Variants in TBC1D22A observed in about 807,000 individuals in gnomAD.
The protein encoded by TBC1D22A is TBC1 domain family member 22A, also known as putative GTPase activator.
Under a neutral mutation model 60.2 loss-of-function variants are expected in TBC1D22A, and 38 were observed. The ratio of observed to expected loss-of-function variants is 0.63; its 90% CI spans 0.49 to 0.83. The LOEUF (loss-of-function observed/expected upper bound fraction) is 0.83, where lower values mean the gene tolerates loss of function less well. TBC1D22A is among the 40% of genes least tolerant of loss of function. TBC1D22A has a pLI of 0.00. For synonymous variants in TBC1D22A, 302 were observed against 281.7 expected (o/e 1.07, Z -0.72); for missense variants, 628 against 701.0 (o/e 0.90, Z 1.18).
intron 4 of TBC1D22A, among the ~76,000 whole-genome samples, chr22:46,827,837 A>T (rs1474374980): frequency 6.6e-6 from 1 of 152,144 alleles, no homozygotes; most frequent in Non-Finnish European, 1.5e-5. Context: ...CTTCATCTGG[A>T]GGTGCTTGTC....
intron 11 of TBC1D22A, among the ~76,000 whole-genome samples, chr22:47,097,938 G>A (rs1442997728): frequency 4.6e-5 from 7 of 152,090 alleles, no homozygotes; most frequent in Admixed American, 4.6e-4. Flanking sequence ...AAGTAGGAGG[G>A]GCTCTGAGTG....
chr22:47,141,940 T>G (rs879655658), intron 12 of TBC1D22A, among the ~76,000 whole-genome samples: 2 of 152,196 alleles, frequency 1.3e-5, no homozygotes, highest in Non-Finnish European at 2.9e-5. Flanking sequence ...GAAACGTATT[T>G]GGATTTTTAT....
chr22:46,792,756 C>T (rs1301127891), intron 2 of TBC1D22A, 180 bp downstream of exon 2: 15 of 1,482,676 alleles, frequency 1.0e-5, no homozygotes, highest in Non-Finnish European at 1.3e-5. Flanking sequence ...CCGTGCTGCG[C>T]ATCCCGGTGA....
chr22:47,001,208 T>G (rs772207064), intron 10 of TBC1D22A, among the ~76,000 whole-genome samples: 5 of 152,136 alleles, frequency 3.3e-5, no homozygotes, highest in Non-Finnish European at 5.9e-5. Flanking sequence ...ATGATGATTC[T>G]ATACTGGAGT....
intron 8 of TBC1D22A, among the ~76,000 whole-genome samples, chr22:46,938,077 G>A (rs76481865): frequency 1.1e-4 from 16 of 152,146 alleles, no homozygotes; most frequent in Admixed American, 4.6e-4. Context: ...CACAGTGCTC[G>A]TGAAGTCTCC....
intron 4 of TBC1D22A, among the ~76,000 whole-genome samples, chr22:46,844,504 G>C (rs1214219487): frequency 6.6e-6 from 1 of 152,300 alleles, no homozygotes; most frequent in Middle Eastern, 3.4e-3. Context: ...ATGTCTGTGT[G>C]GTTGAGTCGT....
intron 1 of TBC1D22A, among the ~76,000 whole-genome samples, chr22:46,791,973 CT>C (rs1284550846): frequency 6.6e-6 from 1 of 152,190 alleles, no homozygotes; most frequent in Non-Finnish European, 1.5e-5. Context: ...GTTTGCCAGG[CT>C]GGTCTCCAAC....
At chr22:47,119,966 C>T (rs1326518224) in intron 12 of TBC1D22A, among the ~76,000 whole-genome samples, 1 of 152,146 alleles carries the variant, frequency 6.6e-6, no homozygotes, top group Non-Finnish European at 1.5e-5. Context: ...CAGCCTCCTT[C>T]ACGGCACCCA....
At chr22:46,941,900 A>G (rs1190731759) in intron 8 of TBC1D22A, among the ~76,000 whole-genome samples, 2 of 143,370 alleles carry the variant, frequency 1.4e-5, no homozygotes, top group African/African-American at 2.6e-5. Context: ...ATATATGTAT[A>G]TAGAATATAT....
At chr22:46,876,280 T>A (rs1367773918) in intron 4 of TBC1D22A, among the ~76,000 whole-genome samples, 3 of 152,210 alleles carry the variant, frequency 2.0e-5, no homozygotes, top group African/African-American at 7.2e-5. Flanking sequence ...ACTTCATAAT[T>A]TAGATAAACT....
chr22:47,024,990 T>C (rs937250790), intron 10 of TBC1D22A, among the ~76,000 whole-genome samples: 12 of 152,198 alleles, frequency 7.9e-5, no homozygotes, highest in African/African-American at 2.9e-4. Flanking sequence ...AAACAGTAGA[T>C]TTCAGAATAG....
At chr22:47,008,151 A>AT (rs1199275865) in intron 10 of TBC1D22A, among the ~76,000 whole-genome samples, 4 of 152,164 alleles carry the variant, frequency 2.6e-5, no homozygotes, top group African/African-American at 9.7e-5. Context: ...GCAAATTTGG[A>AT]TTTTGTCCAT....
intron 3 of TBC1D22A, 88 bp downstream of exon 3, chr22:46,793,929 G>T: frequency 1.6e-6 from 2 of 1,270,152 alleles, no homozygotes; most frequent in Non-Finnish European, 2.1e-6. Flanking sequence ...AGAATCAGTG[G>T]GTTCCCATCC....
chr22:47,037,401 G>T (rs147303120), intron 11 of TBC1D22A, among the ~76,000 whole-genome samples: 1,714 of 152,280 alleles, frequency 0.011, 29 homozygotes, highest in African/African-American at 0.038. Flanking sequence ...AGGCCAAGGT[G>T]GGTGGATTGC....
intron 4 of TBC1D22A, among the ~76,000 whole-genome samples, chr22:46,818,901 T>G (rs2085711613): frequency 6.6e-6 from 1 of 152,168 alleles, no homozygotes; most frequent in South Asian, 2.1e-4. Context: ...TATATTCTGT[T>G]ACTTCCTTGA....
chr22:47,039,878 A>AGC (rs1279096104), intron 11 of TBC1D22A, among the ~76,000 whole-genome samples: 1 of 148,870 alleles, frequency 6.7e-6, no homozygotes, highest in East Asian at 2.0e-4. Context: ...GTGAAGAGGA[A>AGC]GCAGGCGTGT....
intron 9 of TBC1D22A, among the ~76,000 whole-genome samples, chr22:46,995,524 T>TGC (rs376463406): frequency 7.8e-4 from 118 of 152,160 alleles, no homozygotes; most frequent in African/African-American, 2.7e-3. Flanking sequence ...TGTGTGTGTG[T>TGC]GTGTGTGTGA....
chr22:47,012,427 G>T lies in TBC1D22A; in HGVS notation c.1201+14718G>T, dbSNP rs544990007. On this transcript the variant is annotated intron_variant, in intron 10 of 12. Transcript: ENST00000337137. ...TGCCAGGCTTTCCCTGAGGTCCCCA[G>T]GCACCAGGGGATTATTGTCAGGCCC... Among the ~76,000 whole-genome samples the T allele has an allele frequency of 2.0e-5, 3 of 152,248 alleles. No individual in the cohort carries two copies. The East Asian group carries it at 5.8e-4, about 29-fold the overall frequency.
chr22:47,132,647 T>C (rs894989453), intron 12 of TBC1D22A, among the ~76,000 whole-genome samples: 2 of 152,186 alleles, frequency 1.3e-5, no homozygotes, highest in Admixed American at 1.3e-4. Context: ...CCTGGCCGTG[T>C]TGGGAGTCCT....
Sources: gnomAD v4.1 joint callset for allele counts (sites outside exome capture counted in the v4.1 genomes callset) on GRCh38, gnomAD v4.1.1 for gene constraint, MANE v1.5 for transcripts, NCBI Gene and HGNC (gene_info 2026-07-23, HGNC 2026-07-21) for gene names.